The following CATSPER3 variants were observed in gnomAD, a reference collection of about 807,000 sequenced individuals.
CATSPER3 encodes cation channel sperm associated 3.
CATSPER3 carries 23 observed loss-of-function variants against 36.6 expected under a neutral mutation model. The ratio of observed to expected loss-of-function variants is 0.63; its 90% CI spans 0.45 to 0.89. The LOEUF is 0.89. Among genes scored for constraint, CATSPER3 ranks in the 40% least tolerant of loss-of-function variants. The pLI, the probability that CATSPER3 is intolerant of heterozygous loss-of-function variation, is 0.00. For synonymous variants in CATSPER3, 172 were observed against 184.1 expected (o/e 0.93, Z 0.53); for missense variants, 474 against 503.9 (o/e 0.94, Z 0.57).
At chr5:135,009,045 G>C in intron 5 of CATSPER3, 64 bp downstream of exon 5, 1 of 1,610,088 alleles carries the variant, frequency 6.2e-7, no homozygotes, top group Admixed American at 1.7e-5. Context: ...TGTAGGGCAA[G>C]TCTCCAGGGA....
chr5:134,968,908 CCTGCTGATTTTTTCTA>C (rs1225092540), intron 1 of CATSPER3: 2 of 152,096 alleles, frequency 1.3e-5, no homozygotes, highest in African/African-American at 4.8e-5. Context: ...TGGCATATTT[CCTGCTGATTTTTTCTA>C]CTGCTGATTT....
chr5:135,007,992 C>CTCT lies in CATSPER3; in HGVS notation c.528_529insTCT (p.Thr176_Val177insSer). On this transcript the variant is annotated inframe_insertion, in exon 4 of 8. Transcript: ENST00000282611. ...CCGCCGTGGGGCAGACAGTCTACAC[C>CTCT]GTGGCCTCTGTGCTCCTCCTGCTCT... The CTCT allele has an allele frequency of 6.2e-7, 1 of 1,614,178 alleles. No individual in the cohort carries two copies. The highest frequency in any genetic ancestry group is 8.5e-7 in the Non-Finnish European group (1 of 1,180,032).
chr5:134,995,651 C>T (rs1580910660), intron 2 of CATSPER3: 1 of 163,664 alleles, frequency 6.1e-6, no homozygotes, highest in East Asian at 1.6e-4. Flanking sequence ...GGTGGGTGCT[C>T]AGTCACAGCT....
intron 3 of CATSPER3, among the ~76,000 whole-genome samples, chr5:135,004,540 C>A (rs1017907909): frequency 6.6e-6 from 1 of 152,110 alleles, no homozygotes; most frequent in African/African-American, 2.4e-5. Flanking sequence ...AGATGGGCAC[C>A]CCAGAGTGAG....
chr5:135,001,794 T>G (rs1752022961), intron 3 of CATSPER3, among the ~76,000 whole-genome samples: 1 of 152,204 alleles, frequency 6.6e-6, no homozygotes, highest in Non-Finnish European at 1.5e-5. Flanking sequence ...CCCCTGCCTT[T>G]TTTTGTTTTC....
intron 2 of CATSPER3, among the ~76,000 whole-genome samples, chr5:134,981,793 G>A (rs1466974294): frequency 6.6e-6 from 1 of 152,100 alleles, no homozygotes; most frequent in African/African-American, 2.4e-5. Flanking sequence ...TCTTCCTGAG[G>A]AAACCCAGTC....
intron 3 of CATSPER3, among the ~76,000 whole-genome samples, chr5:135,006,496 G>A (rs1752087134): frequency 6.6e-6 from 1 of 152,048 alleles, no homozygotes; most frequent in South Asian, 2.1e-4. Context: ...CTTAGTCCTT[G>A]GGAAAGAAGT....
chr5:134,991,561 CA>C lies in CATSPER3; in HGVS notation c.253-4710del, dbSNP rs148789465. On this transcript the variant is annotated intron_variant, in intron 2 of 7. Transcript: ENST00000282611. The stretch of plus-strand genomic sequence containing the variant: ...AATGGGGAAAGAGTAGTAGTCTCTT[CA>C]ACAAATAGTATTTGGACAACTTGGT... Among the ~76,000 whole-genome samples the C allele has an allele frequency of 8.0e-3, 1,225 of 152,242 alleles. 8 individuals carry two copies. The highest frequency in any genetic ancestry group is 0.037 in the Middle Eastern group (11 of 294).
At chr5:134,973,289 T>G (rs1025979313) in intron 2 of CATSPER3, among the ~76,000 whole-genome samples, 1 of 152,158 alleles carries the variant, frequency 6.6e-6, no homozygotes, top group African/African-American at 2.4e-5. Flanking sequence ...ACAGTGAAGA[T>G]AGAGTATGAC....
At chr5:134,996,568 C>T (rs1751952928) in intron 3 of CATSPER3, 56 bp downstream of exon 3, 7 of 1,585,626 alleles carry the variant, frequency 4.4e-6, no homozygotes, top group Non-Finnish European at 6.0e-6. Context: ...GCCCATTTGC[C>T]CCCAAGACAC....
chr5:134,996,277 C>G lies in CATSPER3; in HGVS notation c.257C>G (p.Ser86Trp). The G allele has an allele frequency of 6.2e-7, 1 of 1,614,228 alleles. No homozygotes were observed. Among genetic ancestry groups the G allele is most frequent in the Middle Eastern group, 1.6e-4 (1 of 6,062 alleles). The change falls in exon 3 of 8, where the codon TCG (serine) becomes TGG (tryptophan). Residue 86 changes from serine to tryptophan, a missense_variant. By Grantham distance (177) the Ser-to-Trp change is radical. Transcript: ENST00000282611. ...RYRLFRLLEF[S>W]EIFFVSICTS... ...CAACCCTTGCTACCCCTGTAGTTCT[C>G]GGAGATCTTCTTTGTGTCCATCTGC... is the stretch of plus-strand genomic sequence containing the variant.
chr5:134,972,010 G>A (rs1456016661), intron 2 of CATSPER3, among the ~76,000 whole-genome samples: 1 of 151,954 alleles, frequency 6.6e-6, no homozygotes, highest in African/African-American at 2.4e-5. Flanking sequence ...TGCTATAGTT[G>A]TGTTTTTAGA....
chr5:134,996,626 G>A lies in CATSPER3; in HGVS notation c.492+114G>A, dbSNP rs13182891. 357,792 of 977,520 alleles carry A rather than the reference G, an allele frequency of 0.37. 68,688 individuals are homozygous for A. Among genetic ancestry groups the A allele is most frequent in the Middle Eastern group, 0.51 (1,602 of 3,150 alleles). 60.6% of individuals were successfully genotyped at this position (977,520 alleles called of 1,614,324 possible). A position where few individuals can be genotyped will look rare whatever the true frequency, so the allele number is the denominator to read the frequency against. Reference sequence around the variant, plus strand: ...CCATCTTCCAGTTGTTGAGTCCAACGTGTGTGGCAGGTTGATCTTTACCAA... The same window carrying A: ...CCATCTTCCAGTTGTTGAGTCCAACATGTGTGGCAGGTTGATCTTTACCAA... On this transcript the variant is annotated intron_variant, in intron 3 of 7. Coordinates refer to ENST00000282611, the MANE Select transcript of CATSPER3 (RefSeq NM_178019.3).
At position 134,981,880 on chromosome 5, in the gene CATSPER3, G is replaced by A. The variant is rs181032035; in HGVS notation, c.252+11788G>A. ...TGCGGTGGCTTCTGCCTGTAATCCC[G>A]GCAATTTGGGAGGCTGAGGTGGGTG... On this transcript the variant is annotated intron_variant, in intron 2 of 7. Coordinates refer to ENST00000282611, the MANE Select transcript of CATSPER3 (RefSeq NM_178019.3). Among the ~76,000 whole-genome samples, 29 of 152,058 alleles carry A rather than the reference G, an allele frequency of 1.9e-4. No individual in the cohort carries two copies. In the East Asian group the frequency reaches 4.6e-3, roughly 24 times the overall value.
chr5:134,972,635 G>A (rs1443967573), intron 2 of CATSPER3, among the ~76,000 whole-genome samples: 6 of 151,994 alleles, frequency 3.9e-5, no homozygotes, highest in Non-Finnish European at 5.9e-5. Flanking sequence ...GATGAACATC[G>A]AAGATGGGGA....
intron 4 of CATSPER3, 90 bp from the exon 5 acceptor site, chr5:135,008,751 C>T: frequency 8.8e-7 from 1 of 1,140,010 alleles, no homozygotes; most frequent in East Asian, 2.4e-5. Flanking sequence ...CCCTTCTCCT[C>T]AGTGGGCCTG....
Position 135,008,100 on chromosome 5 carries a change from C to T in CATSPER3, c.636C>T (p.Asn212=), listed in dbSNP as rs192014504. Reference sequence around the variant, plus strand: ...ATGGTGACCATGATAACTGGGGGAACCTGGCTGCAGCTTTTTTCACCCTCT... The same window carrying T: ...ATGGTGACCATGATAACTGGGGGAATCTGGCTGCAGCTTTTTTCACCCTCT... ...PDNGDHDNWG[N]LAAAFFTLFS... is the part of the protein sequence containing the mutation. The change falls in exon 4 of 8, where the codon AAC becomes AAT. Residue 212 remains asparagine, a synonymous_variant. Coordinates refer to ENST00000282611, the MANE Select transcript of CATSPER3 (RefSeq NM_178019.3). The T allele has an allele frequency of 6.3e-5, 102 of 1,614,140 alleles. No homozygotes were observed. Among genetic ancestry groups the T allele is most frequent in the Middle Eastern group, 3.3e-4 (2 of 6,062 alleles).
intron 3 of CATSPER3, among the ~76,000 whole-genome samples, chr5:135,002,620 C>T (rs1752034988): frequency 6.6e-6 from 1 of 152,196 alleles, no homozygotes; most frequent in Admixed American, 6.5e-5. Flanking sequence ...TAGGTTTGGT[C>T]TTTTCACATA....
chr5:135,001,224 G>T (rs1391128827), intron 3 of CATSPER3, among the ~76,000 whole-genome samples: 4 of 152,206 alleles, frequency 2.6e-5, no homozygotes, highest in Non-Finnish European at 5.9e-5. Context: ...GGAGCAGGTT[G>T]TTCAGTTTCC....
Sources: allele counts gnomAD v4.1 joint callset (sites outside exome capture counted in the v4.1 genomes callset), GRCh38; gene constraint gnomAD v4.1.1; transcripts MANE v1.5; gene names NCBI Gene and HGNC (gene_info 2026-07-23, HGNC 2026-07-21).